Variants in HPS5 observed in about 807,000 individuals in gnomAD.
HPS5 encodes the protein HPS5 biogenesis of lysosomal organelles complex 2 subunit 2.
In HPS5, 83 loss-of-function variants were observed where a neutral mutation model predicts 128.0. That is an observed-to-expected ratio of 0.65 (90% CI 0.54 to 0.78). HPS5 has a LOEUF of 0.78. Ranked by LOEUF, HPS5 falls within the 30% of genes least tolerant of loss-of-function variation. The pLI is 0.00. For missense variants in HPS5, 1,281 were observed against 1,326.2 expected (o/e 0.97, Z 0.53); for synonymous variants, 475 against 470.2 (o/e 1.01, Z -0.13).
chr11:18,305,429 G>GT lies in HPS5; in HGVS notation c.888dup (p.His297ThrfsTer3), dbSNP rs1209723048. ...AGGAAAGTAGAAACTTACCTAAGAT[G>GT]TAAGAGTTTGGGGAAAGACAAAGAC... On this transcript the variant is annotated frameshift_variant, in exon 8 of 23. Coordinates refer to ENST00000349215, the MANE Select transcript of HPS5 (RefSeq NM_181507.2). LOFTEE classifies it high-confidence loss of function. 2 of 1,598,950 alleles carry GT rather than the reference G, an allele frequency of 1.3e-6. No homozygotes were observed. The highest frequency in any genetic ancestry group is 3.3e-5 in the Admixed American group (2 of 59,964).
Position 18,285,369 on chromosome 11 carries a change from C to T in HPS5, c.2928G>A (p.Met976Ile), listed in dbSNP as rs753396295. 28 of 1,611,608 alleles carry T rather than the reference C, an allele frequency of 1.7e-5. No individual in the cohort carries two copies. The highest frequency in any genetic ancestry group is 6.7e-5 in the Admixed American group (4 of 59,982). ...ACCCACAAGACCTGCAGATGTCTGT[C>T]ATTTTCTCTTTGGTTATAAAATCTG... ...LPADFITKEK[M>I]TDICRSCGFW... Residue 976 changes from methionine (M) to isoleucine (I), a missense_variant, in exon 20 of 23, where the codon ATG (methionine) becomes ATA (isoleucine). Transcript: ENST00000349215.
Position 18,319,357 on chromosome 11 carries a change from T to C in HPS5, c.-49-1450A>G, listed in dbSNP as rs979613349. 7.3e-5 allele frequency among the ~76,000 whole-genome samples: 11 copies of C among 150,610 alleles called. No individual in the cohort carries two copies. The South Asian group carries it at 1.9e-3, about 26-fold the overall frequency. ...AACTTTACAGGACAGAGGGATCACA[T>C]TGAATTAAAGGGAACTGAAGAAAAC... is the stretch of plus-strand genomic sequence containing the variant. On this transcript the variant is annotated intron_variant, in intron 1 of 22. Coordinates refer to ENST00000349215, the MANE Select transcript of HPS5 (RefSeq NM_181507.2).
intron 19 of HPS5, among the ~76,000 whole-genome samples, chr11:18,286,255 A>G (rs1859698772): frequency 6.6e-6 from 1 of 152,242 alleles, no homozygotes; most frequent in Admixed American, 6.5e-5. Context: ...CTTAGAAATA[A>G]GACTCCTAGC....
chr11:18,319,140 T>C (rs1182297020), intron 1 of HPS5, among the ~76,000 whole-genome samples: 1 of 152,126 alleles, frequency 6.6e-6, no homozygotes, highest in Non-Finnish European at 1.5e-5. Flanking sequence ...CTCATTGTTT[T>C]CACTCATTCA....
chr11:18,283,138 AT>A (rs1859239513), intron 21 of HPS5, among the ~76,000 whole-genome samples: 1 of 152,058 alleles, frequency 6.6e-6, no homozygotes, highest in Non-Finnish European at 1.5e-5. Context: ...AGTAGCTGGG[AT>A]TACAAGCATA....
chr11:18,314,755 C>T (rs548153331), intron 2 of HPS5, among the ~76,000 whole-genome samples: 1 of 152,208 alleles, frequency 6.6e-6, no homozygotes, highest in South Asian at 2.1e-4. Flanking sequence ...GGCTGGAATG[C>T]AGTGGAGCTA....
chr11:18,282,292 C>G, intron 21 of HPS5, 72 bp from the exon 22 acceptor site: 1 of 1,552,444 alleles, frequency 6.4e-7, no homozygotes, highest in Non-Finnish European at 8.9e-7. Context: ...ATGGTCAAAA[C>G]TGTGAAAATG....
chr11:18,286,908 A>AAT, intron 18 of HPS5, 198 bp from the exon 19 acceptor site: 4 of 629,514 alleles, frequency 6.4e-6, no homozygotes, highest in Non-Finnish European at 8.1e-6. Flanking sequence ...AGGGCCAAAA[A>AAT]AGAAAAAAAA....
In HPS5 at chr11:18,294,882, G is replaced by C. The variant is rs73430866; in HGVS notation, c.1784+138C>G. Reference sequence around the variant, plus strand: ...ATGTTTTCAGAAACTTTACAAATTTGTGTTGGGCCACGTTCAAAGCCGTCC... The same window carrying C: ...ATGTTTTCAGAAACTTTACAAATTTCTGTTGGGCCACGTTCAAAGCCGTCC... On this transcript the variant is annotated intron_variant, in intron 14 of 22. Transcript: ENST00000349215. The C allele has an allele frequency of 1.4e-5, 11 of 798,372 alleles. No individual in the cohort carries two copies. The South Asian group carries it at 1.7e-4, about 12-fold the overall frequency. 49.5% of individuals were successfully genotyped at this position (798,372 alleles called of 1,614,324 possible).
intron 8 of HPS5, 34 bp from the exon 9 acceptor site, chr11:18,300,950 G>C (rs1295044769): frequency 2.4e-6 from 3 of 1,255,200 alleles, no homozygotes; most frequent in East Asian, 4.6e-5. Context: ...ATTCAAGTGT[G>C]CTAGGATACA....
intron 2 of HPS5, among the ~76,000 whole-genome samples, chr11:18,312,514 G>C (rs559086194): frequency 6.6e-6 from 1 of 152,154 alleles, no homozygotes; most frequent in Admixed American, 6.5e-5. Context: ...CCAATACCCC[G>C]TGGTAAAAGT....
At chr11:18,280,625 T>C in intron 22 of HPS5, 1 of 693,128 alleles carries the variant, frequency 1.4e-6, no homozygotes, top group Non-Finnish European at 2.6e-6. Flanking sequence ...AGCCAGAAAG[T>C]GGAAGCAATT....
chr11:18,300,352 G>C (rs1228695352), intron 9 of HPS5, among the ~76,000 whole-genome samples: 1 of 152,106 alleles, frequency 6.6e-6, no homozygotes, highest in Non-Finnish European at 1.5e-5. Context: ...TGTTTGGGAA[G>C]TAACTTACAA....
At chr11:18,316,583 GA>G (rs1217173818) in intron 2 of HPS5, among the ~76,000 whole-genome samples, 1 of 152,132 alleles carries the variant, frequency 6.6e-6, no homozygotes, top group Non-Finnish European at 1.5e-5. Flanking sequence ...AATAAATCAA[GA>G]AAGAGCTATG....
At chr11:18,305,349 T>C in intron 8 of HPS5, 73 bp downstream of exon 8, 1 of 1,036,182 alleles carries the variant, frequency 9.7e-7, no homozygotes, top group Non-Finnish European at 1.5e-6. Context: ...AAAAACTACT[T>C]CTGAACAAGA....
At chr11:18,321,473 T>G (rs1201850838) in intron 1 of HPS5, among the ~76,000 whole-genome samples, 1 of 152,222 alleles carries the variant, frequency 6.6e-6, no homozygotes, top group African/African-American at 2.4e-5. Flanking sequence ...TTAACCAAAG[T>G]AAATGAAACA....
At position 18,279,747 on chromosome 11, in the gene HPS5, G is replaced by A. The variant is rs1858621731; in HGVS notation, c.*135C>T. On this transcript the variant is annotated 3_prime_UTR_variant, in exon 23 of 23. Transcript: ENST00000349215. ...TGCCGATGCCAAGGGTACAGACACTGACAAAAGTAGCCCCAATAAGATGGC... is the reference window on the plus strand; with the variant it reads ...TGCCGATGCCAAGGGTACAGACACTAACAAAAGTAGCCCCAATAAGATGGC... 13 of 828,094 alleles carry A rather than the reference G, an allele frequency of 1.6e-5. No homozygotes were observed. The highest frequency in any genetic ancestry group is 4.3e-5 in the South Asian group (3 of 69,018). The allele number at this position is 828,094 out of a possible 1,614,324, so 51.3% of individuals were successfully genotyped here.
chr11:18,309,848 A>G (rs1427336356), intron 5 of HPS5, among the ~76,000 whole-genome samples: 2 of 152,118 alleles, frequency 1.3e-5, no homozygotes, highest in African/African-American at 4.8e-5. Context: ...AAAAGTTTTT[A>G]AAAATTAGCC....
At chr11:18,286,821 T>C in intron 18 of HPS5, 111 bp from the exon 19 acceptor site, 1 of 1,314,018 alleles carries the variant, frequency 7.6e-7, no homozygotes, top group South Asian at 1.3e-5. Flanking sequence ...GAAGAAGAAA[T>C]AACTTGAAAA....
Sources: allele counts gnomAD v4.1 joint callset (sites outside exome capture counted in the v4.1 genomes callset), GRCh38; gene constraint gnomAD v4.1.1; transcripts MANE v1.5; gene names NCBI Gene and HGNC (gene_info 2026-07-23, HGNC 2026-07-21).